Variants in TCERG1L observed in about 807,000 individuals in gnomAD.
The protein encoded by TCERG1L is transcription elongation regulator 1-like protein.
Under a neutral mutation model 56.3 loss-of-function variants are expected in TCERG1L, and 37 were observed. The observed-to-expected ratio is 0.66, with a 90% confidence interval of 0.51 to 0.87. The LOEUF (loss-of-function observed/expected upper bound fraction) is 0.87. Ranked by LOEUF, TCERG1L falls within the 40% of genes least tolerant of loss-of-function variation. The pLI is 0.00. For synonymous variants in TCERG1L, 324 were observed against 326.3 expected (o/e 0.99, Z 0.08); for missense variants, 799 against 774.2 (o/e 1.03, Z -0.38).
chr10:131,116,099 A>G (rs1413487544), intron 9 of TCERG1L, among the ~76,000 whole-genome samples: 1 of 152,186 alleles, frequency 6.6e-6, no homozygotes, highest in Non-Finnish European at 1.5e-5. Context: ...AGGAAATCCA[A>G]CTGGGCTGAA....
chr10:131,151,262 C>A (rs1451988246), intron 6 of TCERG1L, among the ~76,000 whole-genome samples: 1 of 152,172 alleles, frequency 6.6e-6, no homozygotes, highest in Non-Finnish European at 1.5e-5. Context: ...TGAGACAAAG[C>A]ATGTCCCTTC....
At chr10:131,152,255 T>C (rs1252369448) in intron 6 of TCERG1L, among the ~76,000 whole-genome samples, 2 of 152,190 alleles carry the variant, frequency 1.3e-5, no homozygotes, top group African/African-American at 2.4e-5. Flanking sequence ...TCCTCTTGAA[T>C]CCTTTGCCAC....
intron 9 of TCERG1L, among the ~76,000 whole-genome samples, chr10:131,115,134 CATGTGCCG>C (rs1432636717): frequency 6.6e-6 from 1 of 152,250 alleles, no homozygotes; most frequent in African/African-American, 2.4e-5. Flanking sequence ...GCCGCCAGGG[CATGTGCCG>C]ATATAGGCAA....
intron 4 of TCERG1L, among the ~76,000 whole-genome samples, chr10:131,238,462 C>T (rs1327720972): frequency 6.6e-6 from 1 of 152,162 alleles, no homozygotes; most frequent in Non-Finnish European, 1.5e-5. Context: ...CTCAAGGCAG[C>T]ACTGGGGCCA....
At chr10:131,145,479 T>C (rs906355678) in intron 7 of TCERG1L, among the ~76,000 whole-genome samples, 1 of 152,252 alleles carries the variant, frequency 6.6e-6, no homozygotes, top group Non-Finnish European at 1.5e-5. Flanking sequence ...ATAATGCTGT[T>C]ACTATTTTAA....
chr10:131,179,491 C>T (rs1057232087), intron 4 of TCERG1L, among the ~76,000 whole-genome samples: 3 of 152,158 alleles, frequency 2.0e-5, no homozygotes, highest in Admixed American at 1.3e-4. Context: ...CGGTGATCAC[C>T]GGAGTAGCCC....
At chr10:131,268,948 T>C (rs1846310920) in intron 3 of TCERG1L, among the ~76,000 whole-genome samples, 1 of 152,374 alleles carries the variant, frequency 6.6e-6, no homozygotes, top group Non-Finnish European at 1.5e-5. Flanking sequence ...CTTTTTATTG[T>C]TGTTGTTCAC....
chr10:131,205,216 C>G (rs1182455369), intron 4 of TCERG1L, among the ~76,000 whole-genome samples: 1 of 152,196 alleles, frequency 6.6e-6, no homozygotes, highest in East Asian at 1.9e-4. Context: ...CCCAACAGCT[C>G]TCCTTTATGG....
chr10:131,129,520 A>C (rs1024773445), intron 8 of TCERG1L, among the ~76,000 whole-genome samples: 3 of 152,238 alleles, frequency 2.0e-5, no homozygotes, highest in African/African-American at 7.2e-5. Flanking sequence ...TCCATAATAA[A>C]AAGTTATAAG....
chr10:131,296,619 G>T (rs1391287182), intron 3 of TCERG1L, among the ~76,000 whole-genome samples: 1 of 152,154 alleles, frequency 6.6e-6, no homozygotes, highest in East Asian at 1.9e-4. Context: ...TCCTTTGCCT[G>T]TCCATATTAA....
intron 4 of TCERG1L, among the ~76,000 whole-genome samples, chr10:131,227,918 T>C (rs1239044978): frequency 6.6e-6 from 1 of 152,162 alleles, no homozygotes; most frequent in Non-Finnish European, 1.5e-5. Context: ...CGGGCTGTGC[T>C]CAGGCATCTT....
At chr10:131,145,641 A>G (rs1327427749) in intron 7 of TCERG1L, among the ~76,000 whole-genome samples, 1 of 152,250 alleles carries the variant, frequency 6.6e-6, no homozygotes, top group Non-Finnish European at 1.5e-5. Context: ...AGTGTGAATT[A>G]CCATCATCTA....
In TCERG1L at chr10:131,118,187, T is replaced by A. The variant is rs1845478494; in HGVS notation, c.1260-1253A>T. ...CACTTAGGTCAACCTCAGCCAGCAA[T>A]CATGAAGAGCAGTCCGCTCACAAGC... On this transcript the variant is annotated intron_variant, in intron 8 of 11. Coordinates refer to ENST00000368642, the MANE Select transcript of TCERG1L (RefSeq NM_174937.4). The surrounding 1 kb of genome is among the most constrained non-coding windows in gnomAD (Gnocchi z 4.2). Among the ~76,000 whole-genome samples the A allele has an allele frequency of 1.3e-5, 2 of 152,170 alleles. No homozygotes were observed. Among genetic ancestry groups the A allele is most frequent in the African/African-American group, 4.8e-5 (2 of 41,454 alleles).
intron 3 of TCERG1L, among the ~76,000 whole-genome samples, chr10:131,299,957 T>C (rs572477197): frequency 7.4e-4 from 112 of 152,278 alleles, no homozygotes; most frequent in African/African-American, 2.5e-3. Flanking sequence ...AATATATATT[T>C]TACCTTAATG....
intron 7 of TCERG1L, among the ~76,000 whole-genome samples, chr10:131,145,491 T>C (rs1845784702): frequency 6.6e-6 from 1 of 152,220 alleles, no homozygotes; most frequent in Non-Finnish European, 1.5e-5. Context: ...CTATTTTAAA[T>C]GGAATAAACA....
At chr10:131,220,452 G>A (rs1159642297) in intron 4 of TCERG1L, among the ~76,000 whole-genome samples, 7 of 152,216 alleles carry the variant, frequency 4.6e-5, no homozygotes, top group African/African-American at 1.4e-4. Flanking sequence ...TGACTCACAA[G>A]GGGCACATGG....
In TCERG1L at chr10:131,093,202, C is replaced by T. The variant is rs139123582; in HGVS notation, c.1721G>A (p.Arg574Gln). The change falls in exon 12 of 12, where the codon CGG (arginine) becomes CAG (glutamine). Residue 574 changes from arginine to glutamine, a missense_variant. Arg to Gln is a conservative substitution (Grantham distance 43). Coordinates refer to ENST00000368642, the MANE Select transcript of TCERG1L (RefSeq NM_174937.4). ...FNQFILILKK[R>Q]DKENRLRLRK... ...CAGCCTTAGTCTGTTTTCCTTGTCCCGTTTCTTAAGAATAAGTATGAATTG... is the reference window on the plus strand; with the variant it reads ...CAGCCTTAGTCTGTTTTCCTTGTCCTGTTTCTTAAGAATAAGTATGAATTG... 7.5e-3 allele frequency: 12,097 copies of T among 1,613,858 alleles called. 48 individuals are homozygous for T. The highest frequency in any genetic ancestry group is 8.9e-3 in the Non-Finnish European group (10,497 of 1,179,850).
chr10:131,257,946 A>G (rs1448883162), intron 4 of TCERG1L, among the ~76,000 whole-genome samples: 2 of 152,232 alleles, frequency 1.3e-5, no homozygotes, highest in African/African-American at 4.8e-5. Flanking sequence ...TTCTGTAGAT[A>G]AATTAAAGGT....
intron 7 of TCERG1L, among the ~76,000 whole-genome samples, chr10:131,142,431 G>A (rs188588260): frequency 6.6e-6 from 1 of 152,336 alleles, no homozygotes; most frequent in Admixed American, 6.5e-5. Flanking sequence ...TCACAGCTGT[G>A]TTTACTCACC....
Sources: gnomAD v4.1 joint callset for allele counts (sites outside exome capture counted in the v4.1 genomes callset) on GRCh38, gnomAD v4.1.1 for gene constraint, Gnocchi (gnomAD v3.1) non-coding constraint, MANE v1.5 for transcripts, NCBI Gene and HGNC (gene_info 2026-07-23, HGNC 2026-07-21) for gene names.